PPM1A: variants seen among roughly 807,000 people sequenced by gnomAD.
PPM1A encodes the protein protein phosphatase, Mg2+/Mn2+ dependent 1A.
Under a neutral mutation model 35.0 loss-of-function variants are expected in PPM1A, and 7 were observed. That is an observed-to-expected ratio of 0.20 (90% CI 0.11 to 0.38). The LOEUF (loss-of-function observed/expected upper bound fraction) is 0.38. PPM1A is among the 10% of genes least tolerant of loss of function. The pLI is 1.00. For synonymous variants in PPM1A, 153 were observed against 167.3 expected (o/e 0.91, Z 0.66); for missense variants, 239 against 467.8 (o/e 0.51, Z 4.51).
chr14:60,288,687 C>CA, intron 3 of PPM1A: 3 of 330,140 alleles, frequency 9.1e-6, no homozygotes, highest in Non-Finnish European at 1.3e-5. Flanking sequence ...TATGGGTAGC[C>CA]ATGTCTTTAA....
chr14:60,278,631 A>G lies in PPM1A; in HGVS notation c.-20-4053A>G, dbSNP rs1015814334. Reference sequence around the variant, plus strand: ...CTTCTGTGTGTTAGGCTGTGCTCCAAGTGCTGGGAAGACACCAGTGAATAA... The same window carrying G: ...CTTCTGTGTGTTAGGCTGTGCTCCAGGTGCTGGGAAGACACCAGTGAATAA... On this transcript the variant is annotated intron_variant, in intron 1 of 5. Transcript: ENST00000395076. 2.0e-5 allele frequency among the ~76,000 whole-genome samples: 3 copies of G among 152,170 alleles called. No individual in the cohort carries two copies. The South Asian group carries it at 6.2e-4, about 32-fold the overall frequency.
chr14:60,253,762 T>C (rs1204385612), intron 1 of PPM1A, among the ~76,000 whole-genome samples: 2 of 152,202 alleles, frequency 1.3e-5, no homozygotes, highest in Non-Finnish European at 2.9e-5. Flanking sequence ...ATGGAATCCA[T>C]GTTAATTCTC....
intron 3 of PPM1A, chr14:60,286,493 C>T (rs1887026516): frequency 1.0e-6 from 1 of 984,864 alleles, no homozygotes; most frequent in African/African-American, 1.8e-5. Flanking sequence ...AGTGTTAAAA[C>T]ATGAAAATGC....
In PPM1A at chr14:60,296,878, C is replaced by T. The variant is rs953078464; in HGVS notation, c.*4396C>T. The T allele has an allele frequency of 3.4e-6, 1 of 297,292 alleles. No individual in the cohort carries two copies. The highest frequency in any genetic ancestry group is 2.1e-5 in the African/African-American group (1 of 46,700). The allele number at this position is 297,292 out of a possible 1,614,324, so 18.4% of individuals were successfully genotyped here. A position where few individuals can be genotyped will look rare whatever the true frequency, so the allele number is the denominator to read the frequency against. The stretch of plus-strand genomic sequence containing the variant: ...TCTAATTTTGTTCACAGATTCTTTC[C>T]CTTTCGATTGTTCTGTATGTTAAGA... On this transcript the variant is annotated 3_prime_UTR_variant, in exon 6 of 6. Transcript: ENST00000395076. The surrounding 1 kb of genome is among the most constrained non-coding windows in gnomAD (Gnocchi z 4.4).
At chr14:60,250,277 C>G (rs1882227794) in intron 1 of PPM1A, 1 of 213,980 alleles carries the variant, frequency 4.7e-6, no homozygotes, top group African/African-American at 2.4e-5. Context: ...TCGAACAAAT[C>G]CATTGAAGTA....
upstream of PPM1A, chr14:60,249,164 G>C: frequency 1.1e-6 from 1 of 921,088 alleles, no homozygotes; most frequent in South Asian, 4.8e-5. The surrounding 1 kb of genome is among the most constrained non-coding windows in gnomAD (Gnocchi z 4.5). Flanking sequence ...GGCGGGGCGA[G>C]CGGAGGGGTG....
chr14:60,284,641 C>CAAA (rs766936496), intron 2 of PPM1A, among the ~76,000 whole-genome samples: 3 of 78,276 alleles, frequency 3.8e-5, no homozygotes, highest in African/African-American at 1.3e-4. Context: ...GACTCCGTCT[C>CAAA]AAAAAAAAAA....
intron 1 of PPM1A, among the ~76,000 whole-genome samples, chr14:60,254,613 C>T (rs985972046): frequency 1.3e-5 from 2 of 152,036 alleles, no homozygotes; most frequent in Non-Finnish European, 2.9e-5. Context: ...TTATAAAAGG[C>T]GTTAAGGCTT....
In PPM1A at chr14:60,294,280, T is replaced by C. The variant is rs1271006018; in HGVS notation, c.*1798T>C. The C allele has an allele frequency of 6.6e-6, 1 of 151,876 alleles. No homozygotes were observed. Among genetic ancestry groups the C allele is most frequent in the African/African-American group, 2.4e-5 (1 of 41,424 alleles). 9.4% of individuals were successfully genotyped at this position (151,876 alleles called of 1,614,324 possible). ...ATTTTGTGAGGTGATTAAATGTAAC[T>C]TAATTGTATTTAATTTATATCTTAT... On this transcript the variant is annotated 3_prime_UTR_variant, in exon 6 of 6. Coordinates refer to ENST00000395076, the MANE Select transcript of PPM1A (RefSeq NM_021003.5).
At chr14:60,255,494 A>G (rs963902151) in intron 1 of PPM1A, among the ~76,000 whole-genome samples, 5 of 152,194 alleles carry the variant, frequency 3.3e-5, no homozygotes, top group Non-Finnish European at 7.3e-5. Flanking sequence ...ACCTTTAGAT[A>G]TTTGTGTCTA....
intron 1 of PPM1A, among the ~76,000 whole-genome samples, chr14:60,255,235 G>C (rs1487598966): frequency 6.9e-6 from 1 of 144,032 alleles, no homozygotes; most frequent in Non-Finnish European, 1.5e-5. Flanking sequence ...GCAGTGGCGC[G>C]ATCTCGGCTC....
At position 60,249,269 on chromosome 14, in the gene PPM1A, G is replaced by C; in HGVS notation, c.-429G>C. ...CGGCGCTAGGGACGGGAGCGCGCGC[G>C]GGAGCTAGAGAGCAGTGGTCTCGGC... is the stretch of plus-strand genomic sequence containing the variant. On this transcript the variant is annotated 5_prime_UTR_variant, in exon 1 of 6. Transcript: ENST00000395076. This position sits in a 1 kb window ranked among gnomAD's most constrained non-coding sequence, Gnocchi z 4.5. The C allele has an allele frequency of 2.0e-6, 2 of 986,152 alleles. No homozygotes were observed. Among genetic ancestry groups the C allele is most frequent in the Non-Finnish European group, 2.4e-6 (2 of 830,686 alleles). 61.1% of individuals were successfully genotyped at this position (986,152 alleles called of 1,614,324 possible).
chr14:60,286,366 C>G, intron 3 of PPM1A: 1 of 985,698 alleles, frequency 1.0e-6, no homozygotes, highest in Non-Finnish European at 1.2e-6. Context: ...ATAAGTTGAG[C>G]ATTTCTGGAG....
Position 60,249,578 on chromosome 14 carries a change from T to TC in PPM1A, c.-115dup, listed in dbSNP as rs979789412. On this transcript the variant is annotated 5_prime_UTR_variant, in exon 1 of 6. Coordinates refer to ENST00000395076, the MANE Select transcript of PPM1A (RefSeq NM_021003.5). This position sits in a 1 kb window ranked among gnomAD's most constrained non-coding sequence, Gnocchi z 4.5. ...GGCCCGCCGCTGCAGCGGTGACCCC[T>TC]CCCCCGGCTGCCGCCGTCGCCGCCG... 1.0e-6 allele frequency: 1 copy of TC among 984,560 alleles called. No individual in the cohort carries two copies. The highest frequency in any genetic ancestry group is 6.2e-5 in the Admixed American group (1 of 16,092). The allele number at this position is 984,560 out of a possible 1,614,324, so 61.0% of individuals were successfully genotyped here.
chr14:60,248,983 C>A (rs867877836), upstream of PPM1A, among the ~76,000 whole-genome samples: 4 of 152,142 alleles, frequency 2.6e-5, no homozygotes, highest in Non-Finnish European at 4.4e-5. Context: ...GGCCGTAAGG[C>A]AAAGGCGGCG....
chr14:60,274,521 T>C (rs1885520842), intron 1 of PPM1A, among the ~76,000 whole-genome samples: 1 of 151,510 alleles, frequency 6.6e-6, no homozygotes, highest in Non-Finnish European at 1.5e-5. Context: ...AGGAAAATAG[T>C]GTAACATTCC....
chr14:60,291,132 CT>C (rs1338120544), intron 4 of PPM1A, among the ~76,000 whole-genome samples: 7 of 151,024 alleles, frequency 4.6e-5, no homozygotes, highest in African/African-American at 9.7e-5. Flanking sequence ...ACTATATAGA[CT>C]TTTTTTTTAA....
chr14:60,262,222 A>G (rs1883824560), intron 1 of PPM1A, among the ~76,000 whole-genome samples: 1 of 152,228 alleles, frequency 6.6e-6, no homozygotes, highest in Non-Finnish European at 1.5e-5. Context: ...TTTCCTCTAT[A>G]TAAATCTTCC....
chr14:60,279,683 G>A (rs1025694089), intron 1 of PPM1A, among the ~76,000 whole-genome samples: 1 of 152,150 alleles, frequency 6.6e-6, no homozygotes, highest in Non-Finnish European at 1.5e-5. Flanking sequence ...TCCACATTCT[G>A]ACCAACTCTT....
Sources: gnomAD v4.1 joint callset for allele counts (sites outside exome capture counted in the v4.1 genomes callset) on GRCh38, gnomAD v4.1.1 for gene constraint, Gnocchi (gnomAD v3.1) non-coding constraint, MANE v1.5 for transcripts, NCBI Gene and HGNC (gene_info 2026-07-23, HGNC 2026-07-21) for gene names.